LY6E: variants seen among roughly 807,000 people sequenced by gnomAD.
The protein encoded by LY6E is lymphocyte antigen 6E.
A neutral mutation model predicts 7.7 loss-of-function variants in LY6E; 4 were observed. That is an observed-to-expected ratio of 0.52 (90% CI 0.25 to 1.18). The LOEUF (loss-of-function observed/expected upper bound fraction) is 1.18, where lower values mean the gene tolerates loss of function less well. LY6E is among the 50% of genes most tolerant of loss of function. The pLI is 0.14. For missense variants in LY6E, 156 were observed against 168.0 expected (o/e 0.93, Z 0.40); for synonymous variants, 81 against 80.1 (o/e 1.01, Z -0.06).
At chr8:143,019,994 T>C (rs1176627096) in intron 1 of LY6E, among the ~76,000 whole-genome samples, 1 of 152,176 alleles carries the variant, frequency 6.6e-6, no homozygotes, top group African/African-American at 2.4e-5. Flanking sequence ...CACGCAGCCT[T>C]GTCTCTCGGA....
In LY6E at chr8:143,021,909, G is replaced by A. The variant is rs1459926300; in HGVS notation, c.*120G>A. 1.1e-6 allele frequency: 1 copy of A among 922,396 alleles called. No individual in the cohort carries two copies. The highest frequency in any genetic ancestry group is 1.7e-5 in the African/African-American group (1 of 60,052). The allele number at this position is 922,396 out of a possible 1,614,324, so 57.1% of individuals were successfully genotyped here. On this transcript the variant is annotated 3_prime_UTR_variant, in exon 4 of 4. Transcript: ENST00000292494. ...TGCCTGATCTGTGCCCTTGGTCCCAGGTCAGGCCCACCCCCTGCACCTCCA... is the reference window on the plus strand; with the variant it reads ...TGCCTGATCTGTGCCCTTGGTCCCAAGTCAGGCCCACCCCCTGCACCTCCA...
chr8:143,021,332 T>G lies in LY6E; in HGVS notation c.71T>G (p.Phe24Cys). The G allele has an allele frequency of 1.9e-6, 3 of 1,613,804 alleles. No homozygotes were observed. Among genetic ancestry groups the G allele is most frequent in the Non-Finnish European group, 2.5e-6 (3 of 1,179,990 alleles). ...GVERASSLMC[F>C]SCLNQKSNLY... ...TCCGCAGCCAGCTCGCTGATGTGCT[T>G]CTCCTGCTTGAACCAGAAGAGCAAT... The change falls in exon 3 of 4, where the codon TTC (phenylalanine) becomes TGC (cysteine). Residue 24 changes from phenylalanine (F) to cysteine (C), a missense_variant. Physicochemically the swap from Phe to Cys is radical, Grantham distance 205 (BLOSUM62 -2). Coordinates refer to ENST00000292494, the MANE Select transcript of LY6E (RefSeq NM_002346.3).
In LY6E at chr8:143,021,351, G is replaced by A; in HGVS notation, c.90G>A (p.Lys30=). The change falls in exon 3 of 4, where the codon AAG becomes AAA. Residue 30 remains lysine, a synonymous_variant. Transcript: ENST00000292494. The part of the protein sequence containing the change: ...SLMCFSCLNQ[K]SNLYCLKPTI... The stretch of plus-strand genomic sequence containing the variant: ...TGTGCTTCTCCTGCTTGAACCAGAA[G>A]AGCAATCTGTACTGCCTGAAGCCGA... 2 of 1,613,974 alleles carry A rather than the reference G, an allele frequency of 1.2e-6. No homozygotes were observed. The highest frequency in any genetic ancestry group is 1.7e-6 in the Non-Finnish European group (2 of 1,180,032).
chr8:143,021,374 C>T lies in LY6E; in HGVS notation c.113C>T (p.Pro38Leu), dbSNP rs1819216270. 6.2e-7 allele frequency: 1 copy of T among 1,614,002 alleles called. No individual in the cohort carries two copies. Among genetic ancestry groups the T allele is most frequent in the Non-Finnish European group, 8.5e-7 (1 of 1,180,020 alleles). The change falls in exon 3 of 4, where the codon CCG (proline) becomes CTG (leucine). Residue 38 changes from proline to leucine, a missense_variant. Transcript: ENST00000292494. Reference sequence around the variant, plus strand: ...AAGAGCAATCTGTACTGCCTGAAGCCGACCATCTGCTCCGACCAGGACAAC... The same window carrying T: ...AAGAGCAATCTGTACTGCCTGAAGCTGACCATCTGCTCCGACCAGGACAAC... The part of the protein sequence containing the change: ...NQKSNLYCLK[P>L]TICSDQDNYC...
In LY6E at chr8:143,021,660, C is replaced by T. The variant is rs756207064; in HGVS notation, c.267C>T (p.Gly89=). 3.1e-6 allele frequency: 5 copies of T among 1,613,866 alleles called. No individual in the cohort carries two copies. In the East Asian group the frequency reaches 8.9e-5, roughly 29 times the overall value. The change falls in exon 4 of 4, where the codon GGC becomes GGT. Residue 89 remains glycine (G), a synonymous_variant. Transcript: ENST00000292494. ...TCAATGTTGGTGTGGCTTCCATGGG[C>T]ATCAGCTGCTGCCAGAGCTTTCTGT... ...EGVNVGVASM[G]ISCCQSFLCN...
At position 143,021,377 on chromosome 8, in the gene LY6E, C is replaced by CG. The variant is rs1819216465; in HGVS notation, c.116_117insG (p.Ile40HisfsTer15). 3 of 1,614,044 alleles carry CG rather than the reference C, an allele frequency of 1.9e-6. No homozygotes were observed. The highest frequency in any genetic ancestry group is 2.5e-6 in the Non-Finnish European group (3 of 1,180,020). On this transcript the variant is annotated frameshift_variant, in exon 3 of 4. Transcript: ENST00000292494. LOFTEE classifies it high-confidence loss of function. The stretch of plus-strand genomic sequence containing the variant: ...AGCAATCTGTACTGCCTGAAGCCGA[C>CG]CATCTGCTCCGACCAGGACAACTAC...
chr8:143,021,586 C>T lies in LY6E; in HGVS notation c.193C>T (p.His65Tyr). 1 of 1,613,990 alleles carries T rather than the reference C, an allele frequency of 6.2e-7. No homozygotes were observed. Among genetic ancestry groups the T allele is most frequent in the Non-Finnish European group, 8.5e-7 (1 of 1,180,038 alleles). The change falls in exon 4 of 4, where the codon CAC becomes TAC. Residue 65 changes from histidine (H) to tyrosine (Y), a missense_variant. Physicochemically the swap from His to Tyr is moderately conservative, Grantham distance 83. Transcript: ENST00000292494. ...AGIGNLVTFG[H>Y]SLSKTCSPAC... ...TGCAGGGAATCTCGTGACATTTGGC[C>T]ACAGCCTGAGCAAGACCTGTTCCCC...
chr8:143,021,032 G>A (rs773600195), intron 2 of LY6E, 41 bp downstream of exon 2: 5 of 1,604,994 alleles, frequency 3.1e-6, no homozygotes, highest in Non-Finnish European at 3.4e-6. Context: ...GTCCAGCTGT[G>A]CCCTGCTCCA....
chr8:143,021,211 C>T, intron 2 of LY6E, 103 bp from the exon 3 acceptor site: 1 of 1,501,590 alleles, frequency 6.7e-7, no homozygotes, highest in Non-Finnish European at 9.0e-7. Context: ...TGCCTTCAGC[C>T]CAGGGCCTGG....
chr8:143,020,878 T>C lies in LY6E; in HGVS notation c.-57-5T>C, dbSNP rs1819202755. The C allele has an allele frequency of 2.0e-6, 3 of 1,529,396 alleles. No individual in the cohort carries two copies. The African/African-American group carries it at 4.1e-5, about 21-fold the overall frequency. 94.7% of individuals were successfully genotyped at this position (1,529,396 alleles called of 1,614,324 possible). On this transcript the variant is annotated splice_polypyrimidine_tract_variant and splice_region_variant and intron_variant, in intron 1 of 3. Transcript: ENST00000292494. ...CCCGGCCCCCTAACCAGTGTGTCTC[T>C]CCAGAGCAGGACAGGCTGCTTTGGT...
Position 143,021,632 on chromosome 8 carries a change from G to T in LY6E, c.239G>T (p.Gly80Val). Residue 80 changes from glycine to valine, a missense_variant, in exon 4 of 4, where the codon GGC (glycine) becomes GTC (valine). Gly to Val is a moderately radical substitution (Grantham distance 109, BLOSUM62 -3). Transcript: ENST00000292494. ...TCSPACPIPEGVNVGVASMGI... is the reference protein window; with the variant it reads ...TCSPACPIPEVVNVGVASMGI... ...TCCCCGGCCTGCCCCATCCCAGAAG[G>T]CGTCAATGTTGGTGTGGCTTCCATG... is the stretch of plus-strand genomic sequence containing the variant. The T allele has an allele frequency of 6.2e-7, 1 of 1,613,984 alleles. No homozygotes were observed. Among genetic ancestry groups the T allele is most frequent in the Non-Finnish European group, 8.5e-7 (1 of 1,180,022 alleles).
At chr8:143,021,488 G>T in intron 3 of LY6E, 55 bp downstream of exon 3, 1 of 1,613,512 alleles carries the variant, frequency 6.2e-7, no homozygotes, top group Non-Finnish European at 8.5e-7. Flanking sequence ...CCCTAGCCCG[G>T]GCCGGGGCTC....
chr8:143,021,833 G>T lies in LY6E; in HGVS notation c.*44G>T. ...CCGATCCCCCAGCTCAGGAAGGAAA[G>T]CCCAGCCCTTTCTGGATCCCACAGT... On this transcript the variant is annotated 3_prime_UTR_variant, in exon 4 of 4. Coordinates refer to ENST00000292494, the MANE Select transcript of LY6E (RefSeq NM_002346.3). The T allele has an allele frequency of 6.5e-7, 1 of 1,531,918 alleles. No individual in the cohort carries two copies. Among genetic ancestry groups the T allele is most frequent in the Non-Finnish European group, 8.8e-7 (1 of 1,137,016 alleles). The allele number at this position is 1,531,918 out of a possible 1,614,324, so 94.9% of individuals were successfully genotyped here. A position where few individuals can be genotyped will look rare whatever the true frequency, so the allele number is the denominator to read the frequency against.
rs751100335 is a variant in LY6E at position 143,020,954 on chromosome 8, G to C, written c.15G>C (p.Leu5Phe). ...TCCTCTCCAGAATGAAGATCTTCTT[G>C]CCAGTGCTGCTGGCTGCCCTTCTGG... The part of the protein sequence containing the change: MKIF[L>F]PVLLAALLGV... The change falls in exon 2 of 4, where the codon TTG becomes TTC. Residue 5 changes from leucine to phenylalanine, a missense_variant. Physicochemically the swap from Leu to Phe is conservative, Grantham distance 22 (BLOSUM62 0). Transcript: ENST00000292494. 2 of 1,613,994 alleles carry C rather than the reference G, an allele frequency of 1.2e-6. No homozygotes were observed. The highest frequency in any genetic ancestry group is 2.2e-5 in the South Asian group (2 of 91,078).
At chr8:143,021,498 C>T in intron 3 of LY6E, 65 bp downstream of exon 3, 1 of 1,613,012 alleles carries the variant, frequency 6.2e-7, no homozygotes, top group Non-Finnish European at 8.5e-7. Context: ...GGCCGGGGCT[C>T]AGCAGAGGCC....
At position 143,020,902 on chromosome 8, in the gene LY6E, G is replaced by A; in HGVS notation, c.-38G>A. ...CTCCAGAGCAGGACAGGCTGCTTTG[G>A]TTTGTGACCTCCAGGCAGGACGGCC... On this transcript the variant is annotated 5_prime_UTR_variant, in exon 2 of 4. Coordinates refer to ENST00000292494, the MANE Select transcript of LY6E (RefSeq NM_002346.3). The A allele has an allele frequency of 6.2e-7, 1 of 1,608,536 alleles. No individual in the cohort carries two copies. Among genetic ancestry groups the A allele is most frequent in the Non-Finnish European group, 8.5e-7 (1 of 1,175,960 alleles).
At position 143,021,423 on chromosome 8, in the gene LY6E, T is replaced by A; in HGVS notation, c.162T>A (p.Ser54Arg). The A allele has an allele frequency of 6.2e-7, 1 of 1,613,970 alleles. No homozygotes were observed. The highest frequency in any genetic ancestry group is 1.1e-5 in the South Asian group (1 of 91,090). Residue 54 changes from serine to arginine, a missense_variant, in exon 3 of 4, where the codon AGT becomes AGA. Ser to Arg is a moderately radical substitution (Grantham distance 110). Coordinates refer to ENST00000292494, the MANE Select transcript of LY6E (RefSeq NM_002346.3). The stretch of plus-strand genomic sequence containing the variant: ...ACTACTGCGTGACTGTGTCTGCTAG[T>A]GCCGGCATTGGTGAGTGCCAGGCCT... ...QDNYCVTVSA[S>R]AGIGNLVTFG...
At chr8:143,021,044 T>A (rs1427774458) in intron 2 of LY6E, 53 bp downstream of exon 2, 1 of 1,590,180 alleles carries the variant, frequency 6.3e-7, no homozygotes, top group African/African-American at 1.3e-5. Context: ...CCTGCTCCAC[T>A]CCCTCTCCAC....
rs1819214931 is a variant in LY6E, at chr8:143,021,332, TCTC to T, written c.74_76del (p.Ser25del). On this transcript the variant is annotated inframe_deletion, in exon 3 of 4. Transcript: ENST00000292494. ...TCCGCAGCCAGCTCGCTGATGTGCT[TCTC>T]CTGCTTGAACCAGAAGAGCAATCTG... The T allele has an allele frequency of 1.2e-6, 2 of 1,613,804 alleles. No individual in the cohort carries two copies. The highest frequency in any genetic ancestry group is 1.1e-5 in the South Asian group (1 of 91,064).
Sources: allele counts gnomAD v4.1 joint callset (sites outside exome capture counted in the v4.1 genomes callset), GRCh38; gene constraint gnomAD v4.1.1; transcripts MANE v1.5; gene names NCBI Gene and HGNC (gene_info 2026-07-23, HGNC 2026-07-21).